Variants in PTGR1 observed in about 807,000 individuals in gnomAD.
PTGR1 encodes the protein prostaglandin reductase 1, also known as 15-oxoprostaglandin 13-reductase.
In PTGR1, 23 loss-of-function variants were observed where a neutral mutation model predicts 37.7. That is an observed-to-expected ratio of 0.61 (90% CI 0.44 to 0.86). PTGR1 has a LOEUF of 0.86. Among genes scored for constraint, PTGR1 ranks in the 40% least tolerant of loss-of-function variants. PTGR1 has a pLI of 0.00. For missense variants in PTGR1, 351 were observed against 394.3 expected, an observed-to-expected ratio of 0.89 and a Z score of 0.93; for synonymous variants, 134 against 140.0, an observed-to-expected ratio of 0.96 and a Z score of 0.30.
intron 7 of PTGR1, chr9:111,576,275 A>G: frequency 7.4e-7 from 1 of 1,350,826 alleles, no homozygotes; most frequent in Admixed American, 1.8e-5. Flanking sequence ...TTATTAGTGG[A>G]TTTCATATTT....
Position 111,597,447 on chromosome 9 carries a change from A to G in PTGR1, c.-10-15T>C. ...TCCTGAAGCTCCTAGAACACAGTAA[A>G]TATGTAGTCAACTGCCATGAAGTGA... On this transcript the variant is annotated splice_polypyrimidine_tract_variant and intron_variant, in intron 1 of 9. Transcript: ENST00000407693. 1 of 1,525,986 alleles carries G rather than the reference A, an allele frequency of 6.6e-7. No individual in the cohort carries two copies. 94.5% of individuals were successfully genotyped at this position (1,525,986 alleles called of 1,614,324 possible).
intron 7 of PTGR1, chr9:111,577,434 A>C (rs1409496805): frequency 6.6e-6 from 1 of 152,208 alleles, no homozygotes; most frequent in Non-Finnish European, 1.5e-5. Context: ...TGAAATTATC[A>C]TATGACCCAG....
chr9:111,580,727 C>G (rs1349851344), intron 6 of PTGR1, among the ~76,000 whole-genome samples: 1 of 150,694 alleles, frequency 6.6e-6, no homozygotes. Flanking sequence ...TGCACTCCAG[C>G]CTGGACAACA....
At chr9:111,592,773 G>A in intron 4 of PTGR1, 153 bp downstream of exon 4, 2 of 1,044,324 alleles carry the variant, frequency 1.9e-6, no homozygotes, top group Non-Finnish European at 2.7e-6. Context: ...TAGTTAGGAA[G>A]GAGACAGAAT....
At chr9:111,578,612 C>T (rs77079261) in intron 7 of PTGR1, among the ~76,000 whole-genome samples, 184 bp downstream of exon 7, 10,062 of 152,154 alleles carry the variant, frequency 0.066, 523 homozygotes, top group East Asian at 0.26. Flanking sequence ...GTAATGGGAG[C>T]AATGGGGAAG....
chr9:111,579,119 A>C (rs890849655), intron 6 of PTGR1, among the ~76,000 whole-genome samples, 168 bp from the exon 7 acceptor site: 3 of 151,626 alleles, frequency 2.0e-5, no homozygotes, highest in African/African-American at 7.3e-5. Context: ...AGGTGAAATC[A>C]GTCCCCGGAC....
intron 8 of PTGR1, among the ~76,000 whole-genome samples, chr9:111,572,635 T>C (rs111429209): frequency 0.065 from 9,837 of 150,258 alleles, 547 homozygotes; most frequent in African/African-American, 0.14. Flanking sequence ...CACATGTCTG[T>C]AGTCTCAGCT....
chr9:111,592,749 C>T, intron 4 of PTGR1, 177 bp downstream of exon 4: 1 of 784,078 alleles, frequency 1.3e-6, no homozygotes, highest in South Asian at 3.7e-5. Context: ...TCACATCCTT[C>T]CCTCCTTTCC....
intron 1 of PTGR1, 80 bp from the exon 2 acceptor site, chr9:111,597,512 G>T: frequency 1.3e-6 from 1 of 798,280 alleles, no homozygotes. Flanking sequence ...ACTGAGACCA[G>T]ACAGCACAAT....
At chr9:111,556,066 G>C (rs1055520285) in intron 9 of PTGR1, among the ~76,000 whole-genome samples, 4 of 152,222 alleles carry the variant, frequency 2.6e-5, no homozygotes, top group African/African-American at 7.2e-5. Flanking sequence ...ATAGAACAGG[G>C]GTACAGACAC....
At chr9:111,595,697 G>T (rs1004615576) in intron 2 of PTGR1, among the ~76,000 whole-genome samples, 1 of 151,922 alleles carries the variant, frequency 6.6e-6, no homozygotes, top group Non-Finnish European at 1.5e-5. Flanking sequence ...GCAGTGGCGC[G>T]ATCTTGGCTC....
intron 9 of PTGR1, among the ~76,000 whole-genome samples, chr9:111,567,081 C>CAA (rs1347415361): frequency 1.8e-5 from 2 of 108,330 alleles, no homozygotes; most frequent in Admixed American, 9.8e-5. Context: ...GACCCTGTCT[C>CAA]AAAAAAAAAA....
In PTGR1 at chr9:111,562,926, T is replaced by G; in HGVS notation, c.*195A>C. 7.3e-7 allele frequency: 1 copy of G among 1,377,790 alleles called. No homozygotes were observed. 85.3% of individuals were successfully genotyped at this position (1,377,790 alleles called of 1,614,324 possible). A position where few individuals can be genotyped will look rare whatever the true frequency, so the allele number is the denominator to read the frequency against. ...AAGCTGTAGTGAACAGTGAGGTGAC[T>G]GGTTGTTGTTGACTTTGAAACTTCC... On this transcript the variant is annotated 3_prime_UTR_variant, in exon 10 of 10. Coordinates refer to ENST00000407693, the MANE Select transcript of PTGR1 (RefSeq NM_001146108.2).
At chr9:111,592,852 G>T (rs1829659632) in intron 4 of PTGR1, 74 bp downstream of exon 4, 4 of 1,556,986 alleles carry the variant, frequency 2.6e-6, no homozygotes, top group African/African-American at 1.4e-5. Context: ...AGGAGCAATG[G>T]ACAGAGACAG....
At position 111,576,370 on chromosome 9, in the gene PTGR1, C is replaced by T. The variant is rs747745479; in HGVS notation, c.652-1528G>A. 25 of 1,613,968 alleles carry T rather than the reference C, an allele frequency of 1.5e-5. No homozygotes were observed. In the South Asian group the frequency reaches 2.1e-4, roughly 13 times the overall value. On this transcript the variant is annotated intron_variant, in intron 7 of 9. Coordinates refer to ENST00000407693, the MANE Select transcript of PTGR1 (RefSeq NM_001146108.2). ...CTTTCCCTGGTCACTTGCAGACATA[C>T]ATGGAGCAGTAAAAAAGATGCAGAT...
intron 2 of PTGR1, among the ~76,000 whole-genome samples, chr9:111,596,108 C>A (rs1300260122): frequency 6.6e-6 from 1 of 152,186 alleles, no homozygotes. Flanking sequence ...GGGAATCCTG[C>A]CATGTGACAT....
intron 4 of PTGR1, chr9:111,589,120 A>G (rs138366269): frequency 6.6e-6 from 1 of 152,610 alleles, no homozygotes; most frequent in East Asian, 1.9e-4. Flanking sequence ...CTCCATTACT[A>G]TTATATTTTC....
At chr9:111,570,426 A>G (rs192054915) in intron 8 of PTGR1, among the ~76,000 whole-genome samples, 1 of 152,216 alleles carries the variant, frequency 6.6e-6, no homozygotes, top group African/African-American at 2.4e-5. Flanking sequence ...TTCATATCCA[A>G]AAACCCCAGA....
intron 8 of PTGR1, among the ~76,000 whole-genome samples, chr9:111,573,903 G>C (rs890340607): frequency 2.9e-4 from 44 of 152,270 alleles, no homozygotes; most frequent in Non-Finnish European, 4.1e-4. Flanking sequence ...GCATGGCAGG[G>C]CACCAGAGAA....
Sources: gnomAD v4.1 joint callset for allele counts (sites outside exome capture counted in the v4.1 genomes callset) on GRCh38, gnomAD v4.1.1 for gene constraint, MANE v1.5 for transcripts, NCBI Gene and HGNC (gene_info 2026-07-23, HGNC 2026-07-21) for gene names.